Variants in SYT9 observed in about 807,000 individuals in gnomAD.
SYT9 encodes synaptotagmin 9.
SYT9 carries 22 observed loss-of-function variants against 48.4 expected under a neutral mutation model. The ratio of observed to expected loss-of-function variants is 0.45; its 90% confidence interval spans 0.32 to 0.65. The LOEUF (loss-of-function observed/expected upper bound fraction) is 0.65, where lower values mean the gene tolerates loss of function less well. Among genes scored for constraint, SYT9 ranks in the 30% least tolerant of loss-of-function variants. The probability of loss-of-function intolerance (pLI) is 0.03; values close to 1 mark genes in which losing one functional copy is unlikely to be tolerated. For missense variants in SYT9, 577 were observed against 622.0 expected, an observed-to-expected ratio of 0.93 and a Z score of 0.77; for synonymous variants, 265 against 245.0, an observed-to-expected ratio of 1.08 and a Z score of -0.76.
At chr11:7,249,360 G>A (rs1372096428), upstream of SYT9, among the ~76,000 whole-genome samples, 1 of 152,122 alleles carries the variant, frequency 6.6e-6, no homozygotes, top group East Asian at 1.9e-4. Context: ...TGAGTCACAA[G>A]GCAGGCCCAA....
intron 3 of SYT9, among the ~76,000 whole-genome samples, chr11:7,405,862 A>C (rs942336432): frequency 1.8e-4 from 27 of 152,330 alleles, no homozygotes; most frequent in African/African-American, 6.5e-4. Flanking sequence ...AGCACTTGAA[A>C]ATAAAATCAA....
intron 6 of SYT9, among the ~76,000 whole-genome samples, chr11:7,448,324 C>T (rs1488918569): frequency 2.0e-5 from 3 of 152,212 alleles, no homozygotes; most frequent in Non-Finnish European, 4.4e-5. Context: ...CACTCAGGTG[C>T]AGGGATCTGG....
intron 1 of SYT9, among the ~76,000 whole-genome samples, chr11:7,241,703 T>C (rs558180328): frequency 1.3e-5 from 2 of 152,366 alleles, no homozygotes; most frequent in South Asian, 4.1e-4. Context: ...CTGTAGTAAA[T>C]CACCTGGGCT....
At chr11:7,282,561 C>A (rs1471976527) in intron 1 of SYT9, among the ~76,000 whole-genome samples, 1 of 152,134 alleles carries the variant, frequency 6.6e-6, no homozygotes, top group Non-Finnish European at 1.5e-5. Flanking sequence ...CCAGCAGTAC[C>A]TAATTACAGC....
At position 7,360,376 on chromosome 11, in the gene SYT9, C is replaced by G. The variant is rs186258850; in HGVS notation, c.1044+46435C>G. The stretch of plus-strand genomic sequence containing the variant: ...ATAAGAACTTTAAAGTAGTTTTTTC[C>G]AATTCTGGGAAGAAAGTCATTGGTA... On this transcript the variant is annotated intron_variant, in intron 3 of 6. Transcript: ENST00000318881. Among the ~76,000 whole-genome samples the G allele has an allele frequency of 3.4e-3, 520 of 152,164 alleles. 28 individuals are homozygous for G. In the East Asian group the frequency reaches 0.084, roughly 25 times the overall value.
At chr11:7,246,603 G>T (rs1847795551) in intron 1 of SYT9, among the ~76,000 whole-genome samples, 1 of 152,166 alleles carries the variant, frequency 6.6e-6, no homozygotes, top group African/African-American at 2.4e-5. Context: ...CAAAGATGTG[G>T]ATTCCAGTCC....
At chr11:7,390,895 G>C (rs940332120) in intron 3 of SYT9, among the ~76,000 whole-genome samples, 3 of 152,208 alleles carry the variant, frequency 2.0e-5, no homozygotes, top group Non-Finnish European at 4.4e-5. Flanking sequence ...GTCTGATGCT[G>C]AGGTTTGGGC....
intron 6 of SYT9, among the ~76,000 whole-genome samples, chr11:7,450,802 G>T: frequency 6.6e-6 from 1 of 152,078 alleles, no homozygotes; most frequent in Non-Finnish European, 1.5e-5. Flanking sequence ...TTTTACACAT[G>T]CCGACACATG....
chr11:7,316,013 A>G (rs1006069119), intron 3 of SYT9, among the ~76,000 whole-genome samples: 2 of 151,688 alleles, frequency 1.3e-5, no homozygotes, highest in African/African-American at 2.4e-5. Flanking sequence ...AGGCTATTTC[A>G]TAGTCTGCCA....
At chr11:7,400,330 C>T (rs1461020582) in intron 3 of SYT9, among the ~76,000 whole-genome samples, 8 of 152,168 alleles carry the variant, frequency 5.3e-5, no homozygotes, top group African/African-American at 1.9e-4. Flanking sequence ...TGAAGTATTC[C>T]ATATGTCAAG....
intron 6 of SYT9, among the ~76,000 whole-genome samples, chr11:7,460,212 A>G (rs1419415534): frequency 6.6e-6 from 1 of 152,214 alleles, no homozygotes; most frequent in Non-Finnish European, 1.5e-5. Flanking sequence ...TTCTGTTTTG[A>G]AATAAAAACA....
intron 3 of SYT9, among the ~76,000 whole-genome samples, chr11:7,354,459 G>C (rs1383182488): frequency 6.6e-6 from 1 of 152,076 alleles, no homozygotes; most frequent in Non-Finnish European, 1.5e-5. Context: ...ACCTACCCTC[G>C]CTTGCCTCAC....
rs76390931 is a variant in SYT9, at chr11:7,356,341, T to G, written c.1044+42400T>G. On this transcript the variant is annotated intron_variant, in intron 3 of 6. Transcript: ENST00000318881. The stretch of plus-strand genomic sequence containing the variant: ...GGACATTCAGCATCCACATTGTCCC[T>G]TGGGTGAAATGACTACTCCTGTATT... Among the ~76,000 whole-genome samples the G allele has an allele frequency of 2.1e-4, 32 of 152,334 alleles. No individual in the cohort carries two copies. In the East Asian group the frequency reaches 5.6e-3, roughly 27 times the overall value.
At chr11:7,254,650 C>T (rs1000982098) in intron 1 of SYT9, among the ~76,000 whole-genome samples, 2 of 152,116 alleles carry the variant, frequency 1.3e-5, no homozygotes, top group African/African-American at 2.4e-5. Context: ...AGAGTCATCT[C>T]GGTAAATGGA....
chr11:7,463,719 T>C (rs1001607398), intron 6 of SYT9, among the ~76,000 whole-genome samples: 2 of 152,136 alleles, frequency 1.3e-5, no homozygotes, highest in Non-Finnish European at 2.9e-5. Context: ...AGGACCTTAG[T>C]GGCGCTGTCC....
intron 1 of SYT9, among the ~76,000 whole-genome samples, chr11:7,284,447 A>G (rs1008868371): frequency 2.0e-5 from 3 of 152,132 alleles, no homozygotes; most frequent in African/African-American, 7.2e-5. Flanking sequence ...ATTTCTAAAA[A>G]TGCTCTTATT....
chr11:7,365,506 T>C (rs1850223598), intron 3 of SYT9, among the ~76,000 whole-genome samples: 1 of 152,202 alleles, frequency 6.6e-6, no homozygotes, highest in South Asian at 2.1e-4. Context: ...GCAAACTGAA[T>C]TGGAATTCTG....
rs35502843 is a variant in SYT9, at chr11:7,367,072, C to CTTTTTTTT, written c.1045-48951_1045-48944dup. Among the ~76,000 whole-genome samples, 240 of 53,262 alleles carry CTTTTTTTT rather than the reference C, an allele frequency of 4.5e-3. 32 individuals are homozygous for CTTTTTTTT. The highest frequency in any genetic ancestry group is 0.011 in the African/African-American group (176 of 15,602). 34.9% of individuals were successfully genotyped at this position (53,262 alleles called of 152,430 possible). ...ATTACCCTTCTTTCCAGGAGACCAT[C>CTTTTTTTT]TTTTTTTTTTTTTTTTTTTTTTTTT... On this transcript the variant is annotated intron_variant, in intron 3 of 6. Transcript: ENST00000318881.
chr11:7,275,821 C>T (rs887290672), intron 1 of SYT9, among the ~76,000 whole-genome samples: 1 of 152,184 alleles, frequency 6.6e-6, no homozygotes, highest in Non-Finnish European at 1.5e-5. Flanking sequence ...CCCCGCGTGG[C>T]TCACTGCTCA....
Sources: gnomAD v4.1 joint callset for allele counts (sites outside exome capture counted in the v4.1 genomes callset) on GRCh38, gnomAD v4.1.1 for gene constraint, MANE v1.5 for transcripts, NCBI Gene and HGNC (gene_info 2026-07-23, HGNC 2026-07-21) for gene names.